Variants in TET1 observed in about 807,000 individuals in gnomAD.
TET1 encodes methylcytosine dioxygenase TET1.
In TET1, 13 loss-of-function variants were observed where a neutral mutation model predicts 148.7. That is an observed-to-expected ratio of 0.09 (90% CI 0.06 to 0.14). TET1 has a LOEUF of 0.14. TET1 is among the 10% of genes least tolerant of loss of function. The probability of loss-of-function intolerance (pLI) is 1.00; values close to 1 mark genes in which losing one functional copy is unlikely to be tolerated. For missense variants in TET1, 2,182 were observed against 2,553.8 expected (o/e 0.85, Z 3.14); for synonymous variants, 907 against 937.2 (o/e 0.97, Z 0.59).
intron 7 of TET1, among the ~76,000 whole-genome samples, chr10:68,668,925 C>G (rs4335435): frequency 0.098 from 14,897 of 151,908 alleles, 1,013 homozygotes; most frequent in South Asian, 0.18. Context: ...TTTGAGGCTG[C>G]AGTGAACTAT....
rs559484910 is a variant in TET1 at position 68,624,351 on chromosome 10, G to A, written c.1969-20347G>A. Among the ~76,000 whole-genome samples the A allele has an allele frequency of 6.6e-5, 10 of 152,074 alleles. No individual in the cohort carries two copies. In the East Asian group the frequency reaches 1.6e-3, roughly 24 times the overall value. The stretch of plus-strand genomic sequence containing the variant: ...GTTGCCCAGGCTGGAGTGCAATGGC[G>A]CTATCTTGGCTCACCGCAACCTCCG... On this transcript the variant is annotated intron_variant, in intron 3 of 11. Coordinates refer to ENST00000373644, the MANE Select transcript of TET1 (RefSeq NM_030625.3).
chr10:68,567,757 A>G (rs2053623423), intron 1 of TET1, among the ~76,000 whole-genome samples: 1 of 148,200 alleles, frequency 6.7e-6, no homozygotes, highest in African/African-American at 2.4e-5. Flanking sequence ...CATCTTAAAA[A>G]TTAAAAAAAA....
At chr10:68,663,532 A>G (rs571082582) in intron 6 of TET1, among the ~76,000 whole-genome samples, 5 of 152,318 alleles carry the variant, frequency 3.3e-5, no homozygotes, top group African/African-American at 9.6e-5. Flanking sequence ...AATATTCTAG[A>G]AAGACTATTA....
chr10:68,680,880 C>T lies in TET1; in HGVS notation c.4825-519C>T, dbSNP rs1035666605. Among the ~76,000 whole-genome samples, 6 of 152,148 alleles carry T rather than the reference C, an allele frequency of 3.9e-5. No individual in the cohort carries two copies. The South Asian group carries it at 6.2e-4, about 16-fold the overall frequency. On this transcript the variant is annotated intron_variant, in intron 8 of 11. Coordinates refer to ENST00000373644, the MANE Select transcript of TET1 (RefSeq NM_030625.3). ...ACCTTGCTCTTTCGTAGAGATCATG[C>T]GTAATATTCCTGTTTCATGGGCCAT...
At chr10:68,581,792 C>T (rs1337606850) in intron 2 of TET1, among the ~76,000 whole-genome samples, 4 of 150,950 alleles carry the variant, frequency 2.6e-5, no homozygotes, top group Non-Finnish European at 5.9e-5. Flanking sequence ...CTGTAGTGAG[C>T]TTAGATCACA....
At chr10:68,621,866 A>G (rs2054376295) in intron 3 of TET1, among the ~76,000 whole-genome samples, 1 of 152,196 alleles carries the variant, frequency 6.6e-6, no homozygotes, top group Admixed American at 6.5e-5. Flanking sequence ...TGAGGGAGAA[A>G]AAGGGTCTTG....
chr10:68,600,834 A>T, intron 2 of TET1, 147 bp from the exon 3 acceptor site: 1 of 665,328 alleles, frequency 1.5e-6, no homozygotes, highest in Non-Finnish European at 2.6e-6. Flanking sequence ...CATTTTACAT[A>T]AGCTCTTTAG....
intron 6 of TET1, among the ~76,000 whole-genome samples, chr10:68,660,238 AT>A (rs2055085755): frequency 6.6e-6 from 1 of 152,210 alleles, no homozygotes; most frequent in African/African-American, 2.4e-5. Context: ...CTTTAAAAAA[AT>A]AATCTTTTAA....
Position 68,573,117 on chromosome 10 carries a change from T to C in TET1, c.779T>C (p.Val260Ala). Residue 260 changes from valine (V) to alanine (A), a missense_variant, in exon 2 of 12, where the codon GTT (valine) becomes GCT (alanine). By Grantham distance (64) the Val-to-Ala change is moderately conservative (BLOSUM62 0). Around this residue, in one of 11 missense-constraint regions of TET1, gnomAD observed 665 missense variants for 672.4 expected, o/e 0.99. Transcript: ENST00000373644. ...APFPQRATPK[V>A]TSQGNPSIQL... ...TTTCCCCAAAGAGCAACCCCCAAAG[T>C]TACCTCTCAAGGAAACCCCAGCATT... The C allele has an allele frequency of 1.2e-6, 2 of 1,614,096 alleles. No homozygotes were observed. Among genetic ancestry groups the C allele is most frequent in the Non-Finnish European group, 1.7e-6 (2 of 1,180,006 alleles).
chr10:68,691,687 C>T lies in TET1; in HGVS notation c.6284C>T (p.Ser2095Phe). The T allele has an allele frequency of 6.2e-7, 1 of 1,614,200 alleles. No homozygotes were observed. The highest frequency in any genetic ancestry group is 8.5e-7 in the Non-Finnish European group (1 of 1,180,050). ...GCAGCTAATGAAGGTCCAGAACAGT[C>T]CTCTGAAGTAAATGAATTGAACCAA... ...DQAANEGPEQ[S>F]SEVNELNQIP... Residue 2095 changes from serine (S) to phenylalanine (F), a missense_variant, in exon 12 of 12, where the codon TCC becomes TTC. By Grantham distance (155) the Ser-to-Phe change is radical. This residue lies in a region of TET1 where 54 missense variants were observed against 44.4 expected (regional missense o/e 1.22). Transcript: ENST00000373644. The surrounding 1 kb of genome is among the most constrained non-coding windows in gnomAD (Gnocchi z 4.4).
At chr10:68,680,462 A>G (rs1392059212) in intron 8 of TET1, among the ~76,000 whole-genome samples, 2 of 152,126 alleles carry the variant, frequency 1.3e-5, no homozygotes, top group Non-Finnish European at 2.9e-5. Flanking sequence ...TTCCCATCTC[A>G]GCCTCCCAAG....
intron 2 of TET1, among the ~76,000 whole-genome samples, chr10:68,591,169 A>G (rs975994123): frequency 6.6e-6 from 1 of 152,210 alleles, no homozygotes; most frequent in African/African-American, 2.4e-5. Flanking sequence ...CATTTTAAAC[A>G]AAAAAAGCTA....
Position 68,653,738 on chromosome 10 carries a change from A to G in TET1, c.4461+1144A>G, listed in dbSNP as rs76624623. On this transcript the variant is annotated intron_variant, in intron 6 of 11. Transcript: ENST00000373644. ...TCCAACAGACTAACTCTAATTTTAT[A>G]TTGCTTTAGTAACGATGGTCTCCTT... Among the ~76,000 whole-genome samples the G allele has an allele frequency of 2.3e-3, 356 of 152,250 alleles. 2 individuals are homozygous for G. The highest frequency in any genetic ancestry group is 8.3e-3 in the African/African-American group (346 of 41,548).
intron 2 of TET1, among the ~76,000 whole-genome samples, chr10:68,576,810 A>G (rs557286121): frequency 3.2e-4 from 48 of 152,044 alleles, no homozygotes; most frequent in African/African-American, 1.0e-3. Context: ...TCGGCTCCCA[A>G]GTTCAAGCAA....
intron 3 of TET1, among the ~76,000 whole-genome samples, chr10:68,633,735 G>A (rs2054611581): frequency 6.6e-6 from 1 of 151,794 alleles, no homozygotes; most frequent in Admixed American, 6.6e-5. Flanking sequence ...CCAGCCCTGG[G>A]GTATTTTTTA....
intron 2 of TET1, among the ~76,000 whole-genome samples, chr10:68,586,461 T>C (rs1220681982): frequency 1.3e-5 from 2 of 150,236 alleles, no homozygotes; most frequent in African/African-American, 2.4e-5. Context: ...TGCAGGCGTG[T>C]GCCATTGCAC....
chr10:68,651,151 CT>C (rs1409927509), intron 4 of TET1, among the ~76,000 whole-genome samples: 1 of 152,222 alleles, frequency 6.6e-6, no homozygotes, highest in Admixed American at 6.5e-5. Flanking sequence ...AAGGAACATT[CT>C]TTTGTAATTG....
chr10:68,675,097 A>G, intron 8 of TET1: 4 of 567,476 alleles, frequency 7.0e-6, no homozygotes, highest in South Asian at 5.7e-5. Context: ...CTAGTCCAAG[A>G]ATCTGTTTAA....
intron 3 of TET1, among the ~76,000 whole-genome samples, chr10:68,637,868 CAA>C (rs1288080594): frequency 9.5e-5 from 12 of 125,986 alleles, no homozygotes; most frequent in South Asian, 2.7e-4. Flanking sequence ...GACTCCGTCT[CAA>C]AAAAAAAAAA....
Sources: allele counts gnomAD v4.1 joint callset (sites outside exome capture counted in the v4.1 genomes callset), GRCh38; gene constraint gnomAD v4.1.1; regional missense constraint gnomAD v4.1.1; non-coding constraint Gnocchi (gnomAD v3.1); transcripts MANE v1.5; gene names NCBI Gene and HGNC (gene_info 2026-07-23, HGNC 2026-07-21).